The following PABPC4L variants were observed in gnomAD, a reference collection of about 807,000 sequenced individuals.
The protein encoded by PABPC4L is polyadenylate-binding protein 4-like.
For missense variants in PABPC4L, 452 were observed against 451.4 expected (o/e 1.00, Z -0.01); for synonymous variants, 169 against 164.1 (o/e 1.03, Z -0.23).
At chr4:134,061,156 A>T in the PABPC4L span, among the ~76,000 whole-genome samples, 3 of 152,072 alleles carry the variant, frequency 2.0e-5, no homozygotes, top group Non-Finnish European at 4.4e-5. Context: ...ATTATTATGC[A>T]TTTTATGCCC....
chr4:134,069,088 G>A, the PABPC4L span, among the ~76,000 whole-genome samples: 2 of 152,166 alleles, frequency 1.3e-5, no homozygotes, highest in Non-Finnish European at 2.9e-5. Context: ...CGCTTATGAA[G>A]CTTCATTTGG....
chr4:134,022,288 C>T, the PABPC4L span, among the ~76,000 whole-genome samples: 2 of 152,076 alleles, frequency 1.3e-5, no homozygotes, highest in African/African-American at 2.4e-5. Flanking sequence ...TACTCAAATA[C>T]ATTTAATTAG....
At chr4:134,168,340 A>C in the PABPC4L span, among the ~76,000 whole-genome samples, 1 of 151,958 alleles carries the variant, frequency 6.6e-6, no homozygotes, top group Admixed American at 6.6e-5. Context: ...ACTTTAAATA[A>C]CTAATGATGC....
At chr4:134,194,691 C>T (rs1006503391), downstream of PABPC4L, among the ~76,000 whole-genome samples, 4 of 151,764 alleles carry the variant, frequency 2.6e-5, no homozygotes, top group East Asian at 5.8e-4. Flanking sequence ...TCCACCTGTA[C>T]AGTACACAGC....
At chr4:134,067,969 T>A in the PABPC4L span, among the ~76,000 whole-genome samples, 3 of 152,132 alleles carry the variant, frequency 2.0e-5, no homozygotes, top group African/African-American at 7.2e-5. Flanking sequence ...TTAGAGAAAG[T>A]GCAGATAATA....
At chr4:134,051,214 A>G in the PABPC4L span, among the ~76,000 whole-genome samples, 1 of 152,214 alleles carries the variant, frequency 6.6e-6, no homozygotes, top group African/African-American at 2.4e-5. Flanking sequence ...GGTGAAAAGT[A>G]GGTCAAAAAT....
the PABPC4L span, among the ~76,000 whole-genome samples, chr4:134,053,891 T>G: frequency 6.6e-6 from 1 of 151,848 alleles, no homozygotes; most frequent in Non-Finnish European, 1.5e-5. Flanking sequence ...ATATAAGAGG[T>G]CCTGATGCTT....
chr4:134,151,145 C>T, the PABPC4L span, among the ~76,000 whole-genome samples: 4 of 151,948 alleles, frequency 2.6e-5, no homozygotes, highest in Non-Finnish European at 2.9e-5. Flanking sequence ...AGGCTAGAAT[C>T]GGAAGGGAAA....
chr4:134,118,981 T>G, the PABPC4L span, among the ~76,000 whole-genome samples: 1 of 151,900 alleles, frequency 6.6e-6, no homozygotes, highest in East Asian at 1.9e-4. Context: ...TAAAATAGTT[T>G]AAATTCCTCA....
chr4:134,042,075 A>T, the PABPC4L span, among the ~76,000 whole-genome samples: 1 of 152,214 alleles, frequency 6.6e-6, no homozygotes, highest in Non-Finnish European at 1.5e-5. Flanking sequence ...ATCTACACAC[A>T]TATATATAAT....
chr4:133,960,721 G>C, the PABPC4L span, among the ~76,000 whole-genome samples: 1 of 152,134 alleles, frequency 6.6e-6, no homozygotes, highest in Admixed American at 6.5e-5. Flanking sequence ...TGGCTGTTAG[G>C]GGGAGCATGA....
At chr4:133,964,725 C>A in the PABPC4L span, among the ~76,000 whole-genome samples, 1 of 152,018 alleles carries the variant, frequency 6.6e-6, no homozygotes, top group African/African-American at 2.4e-5. Flanking sequence ...ATCACATGAT[C>A]ATCTCAATAG....
At chr4:134,169,012 G>T in the PABPC4L span, among the ~76,000 whole-genome samples, 7 of 151,844 alleles carry the variant, frequency 4.6e-5, no homozygotes, top group African/African-American at 1.7e-4. Flanking sequence ...TTGTTGGTTT[G>T]GTGATCAATA....
the PABPC4L span, among the ~76,000 whole-genome samples, chr4:134,095,471 A>C: frequency 6.6e-6 from 1 of 151,994 alleles, no homozygotes; most frequent in East Asian, 1.9e-4. Flanking sequence ...ACATGAAAAT[A>C]AATTAGTGAT....
In PABPC4L at chr4:134,201,071, C is replaced by A. The variant is rs1578886592; in HGVS notation, c.-52G>T. 4 of 1,551,206 alleles carry A rather than the reference C, an allele frequency of 2.6e-6. No homozygotes were observed. Among genetic ancestry groups the A allele is most frequent in the African/African-American group, 1.4e-5 (1 of 72,980 alleles). ...GTCCCCTGGAGTTCTTTGAGCAATC[C>A]CTGTGGGGGGATACTAGGTCACAGC... On this transcript the variant is annotated 5_prime_UTR_variant, in exon 2 of 2. Transcript: ENST00000421491.
downstream of PABPC4L, among the ~76,000 whole-genome samples, chr4:134,192,704 T>C (rs1036105336): frequency 2.0e-5 from 3 of 152,190 alleles, no homozygotes; most frequent in South Asian, 6.2e-4. Flanking sequence ...ACACTACTAC[T>C]AAACTCAGTA....
At chr4:134,068,664 T>G in the PABPC4L span, among the ~76,000 whole-genome samples, 1 of 152,058 alleles carries the variant, frequency 6.6e-6, no homozygotes, top group African/African-American at 2.4e-5. Context: ...TGTTTTTCCT[T>G]TCCATATTTC....
the PABPC4L span, among the ~76,000 whole-genome samples, chr4:134,122,019 A>AT: frequency 1.3e-5 from 2 of 151,732 alleles, no homozygotes; most frequent in African/African-American, 2.4e-5. Context: ...TATAATTTTT[A>AT]TTTTTTTATA....
the PABPC4L span, among the ~76,000 whole-genome samples, chr4:134,064,481 G>T: frequency 6.6e-6 from 1 of 152,032 alleles, no homozygotes. Flanking sequence ...GCTTTTGGGA[G>T]AATAATACAA....
Sources: gnomAD v4.1 joint callset for allele counts (sites outside exome capture counted in the v4.1 genomes callset) on GRCh38, gnomAD v4.1.1 for gene constraint, MANE v1.5 for transcripts, NCBI Gene and HGNC (gene_info 2026-07-23, HGNC 2026-07-21) for gene names.